SHTN1: variants seen among roughly 807,000 people sequenced by gnomAD.
The protein encoded by SHTN1 is shootin-1.
A neutral mutation model predicts 83.1 loss-of-function variants in SHTN1; 42 were observed. The ratio of observed to expected loss-of-function variants is 0.51; its 90% CI spans 0.39 to 0.65. The LOEUF is 0.65. Ranked by LOEUF, SHTN1 falls within the 30% of genes least tolerant of loss-of-function variation. The probability of loss-of-function intolerance (pLI) is 0.00; values close to 1 mark genes in which losing one functional copy is unlikely to be tolerated. For missense variants in SHTN1, 622 were observed against 737.8 expected (o/e 0.84, Z 1.82); for synonymous variants, 224 against 247.7 (o/e 0.90, Z 0.90).
intron 16 of SHTN1, among the ~76,000 whole-genome samples, chr10:116,890,930 A>G (rs1190268092): frequency 6.6e-6 from 1 of 152,244 alleles, no homozygotes; most frequent in East Asian, 1.9e-4. Context: ...TTTGCATTCA[A>G]TGAAATTCCT....
At chr10:116,909,768 G>A (rs1452525633) in intron 14 of SHTN1, among the ~76,000 whole-genome samples, 1 of 152,102 alleles carries the variant, frequency 6.6e-6, no homozygotes, top group Non-Finnish European at 1.5e-5. Flanking sequence ...TTAGCAGAAG[G>A]CCAAATCACT....
At chr10:116,989,146 GAATT>G (rs1851327474) in intron 1 of SHTN1, among the ~76,000 whole-genome samples, 1 of 152,062 alleles carries the variant, frequency 6.6e-6, no homozygotes, top group African/African-American at 2.4e-5. Context: ...AATGTAAGCA[GAATT>G]ATTATATTTA....
intron 2 of SHTN1, among the ~76,000 whole-genome samples, chr10:116,969,363 C>T (rs150547152): frequency 0.022 from 3,378 of 152,154 alleles, 124 homozygotes; most frequent in African/African-American, 0.076. Context: ...ATTGCTTCAA[C>T]CTGGGAGGTG....
intron 16 of SHTN1, among the ~76,000 whole-genome samples, chr10:116,888,745 T>A (rs745471182): frequency 6.6e-6 from 1 of 152,152 alleles, no homozygotes; most frequent in South Asian, 2.1e-4. Context: ...AGGAATGTCA[T>A]GCACAAGCTA....
intron 1 of SHTN1, among the ~76,000 whole-genome samples, chr10:117,059,452 C>G (rs1205884781): frequency 6.6e-6 from 1 of 152,098 alleles, no homozygotes; most frequent in African/African-American, 2.4e-5. Flanking sequence ...TTGTAATAGC[C>G]AAAAACCGAA....
rs192697642 is a variant in SHTN1, at chr10:116,994,434, T to A, written c.58+10588A>T. 8.9e-4 allele frequency among the ~76,000 whole-genome samples: 135 copies of A among 152,232 alleles called. 1 individual carries two copies. Among genetic ancestry groups the A allele is most frequent in the African/African-American group, 3.1e-3 (127 of 41,584 alleles). On this transcript the variant is annotated intron_variant, in intron 1 of 16. Coordinates refer to ENST00000355371, the MANE Select transcript of SHTN1 (RefSeq NM_001127211.3). ...TATAAAACTAAAATTTGGTCTTTTT[T>A]AAAAGATTTTCCTATAGTATTGACA...
chr10:117,083,920 GT>G (rs1420108226), intron 1 of SHTN1, among the ~76,000 whole-genome samples: 2 of 150,426 alleles, frequency 1.3e-5, no homozygotes, highest in African/African-American at 4.9e-5. Context: ...ACTTCTCTGT[GT>G]TGGTTATTCT....
At chr10:117,090,085 C>T (rs1263847216) in intron 1 of SHTN1, among the ~76,000 whole-genome samples, 2 of 152,156 alleles carry the variant, frequency 1.3e-5, no homozygotes, top group East Asian at 3.9e-4. Context: ...AAAGCAGAGT[C>T]TCAAAGAGAT....
intron 11 of SHTN1, among the ~76,000 whole-genome samples, chr10:116,923,888 T>A (rs1419185178): frequency 6.6e-6 from 1 of 152,210 alleles, no homozygotes; most frequent in African/African-American, 2.4e-5. Context: ...AGCTTTTTTT[T>A]ACTTTTCACT....
At chr10:116,890,959 C>T (rs568414378) in intron 16 of SHTN1, among the ~76,000 whole-genome samples, 14 of 152,362 alleles carry the variant, frequency 9.2e-5, no homozygotes, top group African/African-American at 3.1e-4. Context: ...CAACTTTCCA[C>T]GTTCCAACTA....
At chr10:117,095,851 C>T (rs17095678) in intron 1 of SHTN1, among the ~76,000 whole-genome samples, 3,523 of 152,176 alleles carry the variant, frequency 0.023, 119 homozygotes, top group East Asian at 0.12. Flanking sequence ...ATTTTATTTG[C>T]TAGTATTTTC....
intron 1 of SHTN1, among the ~76,000 whole-genome samples, chr10:117,109,082 C>G (rs1183138978): frequency 6.6e-6 from 1 of 152,200 alleles, no homozygotes; most frequent in Non-Finnish European, 1.5e-5. Flanking sequence ...AGTTTAAGAA[C>G]CACTGCTCTA....
chr10:117,102,126 A>G (rs1302095480), intron 1 of SHTN1, among the ~76,000 whole-genome samples: 8 of 151,772 alleles, frequency 5.3e-5, no homozygotes, highest in Admixed American at 5.3e-4. Flanking sequence ...TTTCCTATCT[A>G]CAGTTAAGGA....
Position 116,886,109 on chromosome 10 carries a change from A to G in SHTN1, c.*235T>C. The G allele has an allele frequency of 1.8e-6, 1 of 557,966 alleles. No homozygotes were observed. The highest frequency in any genetic ancestry group is 3.1e-6 in the Non-Finnish European group (1 of 325,386). 34.6% of individuals were successfully genotyped at this position (557,966 alleles called of 1,614,324 possible). A position where few individuals can be genotyped will look rare whatever the true frequency, so the allele number is the denominator to read the frequency against. ...AGTCATACTTAATACAGTAACTAGG[A>G]AAAAAACCTCATCTTTATAAAGATC... On this transcript the variant is annotated 3_prime_UTR_variant, in exon 17 of 17. Coordinates refer to ENST00000355371, the MANE Select transcript of SHTN1 (RefSeq NM_001127211.3).
intron 1 of SHTN1, among the ~76,000 whole-genome samples, chr10:117,064,807 C>CT (rs1852952176): frequency 6.6e-6 from 1 of 152,174 alleles, no homozygotes; most frequent in Non-Finnish European, 1.5e-5. Context: ...ACCTTACTGT[C>CT]TGTTCTTTGG....
At position 116,886,432 on chromosome 10, in the gene SHTN1, T is replaced by G; in HGVS notation, c.1808A>C (p.Gln603Pro). Reference protein sequence around the residue: ...KDQVAEKDPTQHKEDEGEIQP... With the variant: ...KDQVAEKDPTPHKEDEGEIQP... ...AATTTCGCCTTCATCCTCCTTGTGT[T>G]GAGTTGGATCTTTTTCAGCAACCTG... Residue 603 changes from glutamine to proline, a missense_variant, in exon 17 of 17, where the codon CAA becomes CCA. This residue lies in a region of SHTN1 where 231 missense variants were observed against 251.6 expected (regional missense o/e 0.92). Transcript: ENST00000355371. 6.2e-7 allele frequency: 1 copy of G among 1,610,188 alleles called. No individual in the cohort carries two copies. Among genetic ancestry groups the G allele is most frequent in the Non-Finnish European group, 8.5e-7 (1 of 1,177,682 alleles).
chr10:116,951,774 TGAGGA>T (rs1215028949), intron 6 of SHTN1, 130 bp downstream of exon 6: 2 of 433,006 alleles, frequency 4.6e-6, no homozygotes, highest in Admixed American at 4.2e-5. Flanking sequence ...TGTCTGAAAT[TGAGGA>T]GAGAAGATTA....
chr10:116,960,210 C>A lies in SHTN1; in HGVS notation c.193G>T (p.Glu65Ter). 1 of 1,603,454 alleles carries A rather than the reference C, an allele frequency of 6.2e-7. No individual in the cohort carries two copies. The highest frequency in any genetic ancestry group is 8.5e-7 in the Non-Finnish European group (1 of 1,170,874). ...AGATGGTTCTGCATGAAATTAACTT[C>A]CTCTATGACCATGTGAGAAACTAGG... ...FQKISHMVIEEVNFMQNHLEI... is the reference protein window; with the variant it reads ...FQKISHMVIE The change falls in exon 4 of 17, where the codon GAA becomes TAA. Residue 65 changes from glutamate (E) to a stop codon, truncating the protein, a stop_gained. Coordinates refer to ENST00000355371, the MANE Select transcript of SHTN1 (RefSeq NM_001127211.3). LOFTEE classifies it high-confidence loss of function.
In SHTN1 at chr10:116,936,589, T is replaced by C. The variant is rs371672687; in HGVS notation, c.858+3877A>G. Among the ~76,000 whole-genome samples the C allele has an allele frequency of 3.3e-5, 5 of 152,296 alleles. No homozygotes were observed. In the East Asian group the frequency reaches 9.7e-4, roughly 29 times the overall value. ...CCAAGGAGTGTTTTACATCCAATTA[T>C]GTGGTCAATTTTAGAATAAGTACGA... On this transcript the variant is annotated intron_variant, in intron 9 of 16. Transcript: ENST00000355371.
Sources: allele counts gnomAD v4.1 joint callset (sites outside exome capture counted in the v4.1 genomes callset), GRCh38; gene constraint gnomAD v4.1.1; regional missense constraint gnomAD v4.1.1; transcripts MANE v1.5; gene names NCBI Gene and HGNC (gene_info 2026-07-23, HGNC 2026-07-21).